KNTC1: variants seen among roughly 807,000 people sequenced by gnomAD.
KNTC1 encodes the protein kinetochore associated 1.
Under a neutral mutation model 314.4 loss-of-function variants are expected in KNTC1, and 253 were observed. The observed-to-expected ratio is 0.80, with a 90% CI of 0.73 to 0.89. KNTC1 has a LOEUF of 0.89. Among genes scored for constraint, KNTC1 ranks in the 40% least tolerant of loss-of-function variants. The probability of loss-of-function intolerance (pLI) is 0.00; values close to 1 mark genes in which losing one functional copy is unlikely to be tolerated. For synonymous variants in KNTC1, 901 were observed against 901.4 expected, an observed-to-expected ratio of 1.00 and a Z score of 0.01; for missense variants, 2,475 against 2,572.9, an observed-to-expected ratio of 0.96 and a Z score of 0.82.
At chr12:122,543,117 T>C (rs1015759636) in intron 6 of KNTC1, among the ~76,000 whole-genome samples, 3 of 152,148 alleles carry the variant, frequency 2.0e-5, no homozygotes, top group East Asian at 3.9e-4. Flanking sequence ...TTCACCATGT[T>C]GGCCAGGCTG....
Position 122,557,462 on chromosome 12 carries a change from T to C in KNTC1, c.1351T>C (p.Trp451Arg). The change falls in exon 17 of 64, where the codon TGG (tryptophan) becomes CGG (arginine). Residue 451 changes from tryptophan (W) to arginine (R), a missense_variant. Coordinates refer to ENST00000333479, the MANE Select transcript of KNTC1 (RefSeq NM_014708.6). ...SSVDASEQTE[W>R]QQLVDDAKEN... ...TGTGGATGCCAGTGAACAGACCGAA[T>C]GGCAACAACTTGTAGACGACGCTAA... 6.2e-7 allele frequency: 1 copy of C among 1,613,932 alleles called. No individual in the cohort carries two copies.
At chr12:122,528,132 T>C (rs1226387458) in intron 1 of KNTC1, among the ~76,000 whole-genome samples, 1 of 152,232 alleles carries the variant, frequency 6.6e-6, no homozygotes, top group African/African-American at 2.4e-5. Flanking sequence ...AAATAGGTAT[T>C]CAATAAACAT....
chr12:122,598,211 A>G (rs761074975), intron 44 of KNTC1, among the ~76,000 whole-genome samples: 14 of 152,024 alleles, frequency 9.2e-5, no homozygotes, highest in Admixed American at 2.6e-4. Flanking sequence ...AAAACAAGCA[A>G]TTTCCCTATA....
At chr12:122,612,397 G>GTTTTCT (rs202047595) in intron 53 of KNTC1, among the ~76,000 whole-genome samples, 6,347 of 142,774 alleles carry the variant, frequency 0.044, 157 homozygotes, top group Non-Finnish European at 0.06. Context: ...TTTGTCTTTG[G>GTTTTCT]TTTTCTTTTT....
Position 122,544,201 on chromosome 12 carries a change from TATC to T in KNTC1, c.604_606del (p.His202del), listed in dbSNP as rs1440993293. 2 of 1,584,082 alleles carry T rather than the reference TATC, an allele frequency of 1.3e-6. No homozygotes were observed. Among genetic ancestry groups the T allele is most frequent in the South Asian group, 1.2e-5 (1 of 84,208 alleles). On this transcript the variant is annotated inframe_deletion, in exon 8 of 64. Coordinates refer to ENST00000333479, the MANE Select transcript of KNTC1 (RefSeq NM_014708.6). Reference sequence around the variant, plus strand: ...GTCCAGTTTTATTTCTACTGAAAATTATCATACTCTTGGTTGTCTCAGTCTTGT... The same window carrying T: ...GTCCAGTTTTATTTCTACTGAAAATTATACTCTTGGTTGTCTCAGTCTTGT...
At position 122,609,374 on chromosome 12, in the gene KNTC1, C is replaced by A; in HGVS notation, c.5497-10C>A. 6.4e-7 allele frequency: 1 copy of A among 1,558,342 alleles called. No individual in the cohort carries two copies. Among genetic ancestry groups the A allele is most frequent in the Non-Finnish European group, 8.7e-7 (1 of 1,147,102 alleles). ...TCAGTTTTTGACCTTTTTTTCCTAC[C>A]TTTTCAAAGAAACCATCAGAATTAT... On this transcript the variant is annotated splice_polypyrimidine_tract_variant and intron_variant, in intron 51 of 63. Transcript: ENST00000333479.
intron 63 of KNTC1, among the ~76,000 whole-genome samples, chr12:122,625,680 A>T (rs982634789): frequency 6.6e-6 from 1 of 152,182 alleles, no homozygotes; most frequent in Non-Finnish European, 1.5e-5. Flanking sequence ...CACTACCCAG[A>T]CATAGGATCA....
intron 20 of KNTC1, among the ~76,000 whole-genome samples, chr12:122,567,174 A>G (rs976013231): frequency 2.0e-5 from 3 of 151,868 alleles, no homozygotes; most frequent in South Asian, 2.1e-4. Context: ...CCTGGGTTCA[A>G]TCAATTCTGC....
At chr12:122,568,406 T>C (rs770770559) in intron 21 of KNTC1, 34 bp downstream of exon 21, 3 of 1,150,850 alleles carry the variant, frequency 2.6e-6, no homozygotes, top group Non-Finnish European at 4.0e-6. Flanking sequence ...TTAACAGCTT[T>C]ATAGCTCCTG....
At chr12:122,598,947 C>G (rs148621359) in intron 44 of KNTC1, among the ~76,000 whole-genome samples, 309 of 151,224 alleles carry the variant, frequency 2.0e-3, no homozygotes, top group African/African-American at 7.2e-3. Flanking sequence ...ATAGCTGGAA[C>G]TGTAGGTGCA....
Position 122,546,379 on chromosome 12 carries a change from C to T in KNTC1, c.763+110C>T, listed in dbSNP as rs1962765264. On this transcript the variant is annotated intron_variant, in intron 9 of 63. Coordinates refer to ENST00000333479, the MANE Select transcript of KNTC1 (RefSeq NM_014708.6). ...CATTTTACCCTACCACTCTTTGAAA[C>T]AAGCCAGAATAGCTTGATGGTTGTT... 3 of 713,166 alleles carry T rather than the reference C, an allele frequency of 4.2e-6. No individual in the cohort carries two copies. The Admixed American group carries it at 7.6e-5, about 18-fold the overall frequency. 44.2% of individuals were successfully genotyped at this position (713,166 alleles called of 1,614,324 possible). A position where few individuals can be genotyped will look rare whatever the true frequency, so the allele number is the denominator to read the frequency against.
chr12:122,623,504 ATT>A (rs1482378715), intron 62 of KNTC1, among the ~76,000 whole-genome samples: 3 of 152,164 alleles, frequency 2.0e-5, no homozygotes, highest in African/African-American at 7.2e-5. Context: ...ATAATTAGAT[ATT>A]GTCATTTTTG....
chr12:122,604,717 C>T, intron 49 of KNTC1, 80 bp downstream of exon 49: 3 of 1,243,496 alleles, frequency 2.4e-6, no homozygotes, highest in Non-Finnish European at 3.5e-6. Context: ...CTCATGCTGC[C>T]CTGGTGCCTA....
intron 43 of KNTC1, among the ~76,000 whole-genome samples, chr12:122,596,880 C>T (rs1304908575): frequency 6.6e-6 from 1 of 151,978 alleles, no homozygotes; most frequent in African/African-American, 2.4e-5. Context: ...TTTTGTTGAT[C>T]CTTGGTATTG....
chr12:122,573,759 T>G (rs1964849717), intron 26 of KNTC1, among the ~76,000 whole-genome samples: 1 of 152,170 alleles, frequency 6.6e-6, no homozygotes, highest in Non-Finnish European at 1.5e-5. Flanking sequence ...ATACAAAACA[T>G]TAAAATTCTT....
rs756292773 is a variant in KNTC1 at position 122,580,008 on chromosome 12, T to A, written c.2914+31T>A. ...TTTTACTTCTGTTTTCTCATCTCAG[T>A]TTTGTTCCAAAGCTCACCCTCTTCA... On this transcript the variant is annotated intron_variant, in intron 32 of 63. Coordinates refer to ENST00000333479, the MANE Select transcript of KNTC1 (RefSeq NM_014708.6). The A allele has an allele frequency of 4.1e-6, 6 of 1,468,440 alleles. No individual in the cohort carries two copies. In the Middle Eastern group the frequency reaches 5.2e-4, roughly 127 times the overall value. The allele number at this position is 1,468,440 out of a possible 1,614,324, so 91.0% of individuals were successfully genotyped here.
chr12:122,533,170 CTTTT>C (rs1177191171), intron 2 of KNTC1, among the ~76,000 whole-genome samples: 1 of 143,502 alleles, frequency 7.0e-6, no homozygotes. Flanking sequence ...CGTTCCTTTT[CTTTT>C]TTTTTTTTTT....
intron 21 of KNTC1, among the ~76,000 whole-genome samples, chr12:122,568,918 ACAGTAGAACCT>A (rs1195351835): frequency 1.3e-5 from 2 of 152,330 alleles, no homozygotes; most frequent in Non-Finnish European, 2.9e-5. Context: ...CAGTGAATGT[ACAGTAGAACCT>A]TATTTTATCC....
chr12:122,539,972 GTT>G (rs1243171359), intron 5 of KNTC1, among the ~76,000 whole-genome samples: 3 of 151,254 alleles, frequency 2.0e-5, no homozygotes, highest in African/African-American at 7.3e-5. Context: ...TAGAGATGGA[GTT>G]TCACCATGTT....
Sources: gnomAD v4.1 joint callset for allele counts (sites outside exome capture counted in the v4.1 genomes callset) on GRCh38, gnomAD v4.1.1 for gene constraint, MANE v1.5 for transcripts, NCBI Gene and HGNC (gene_info 2026-07-23, HGNC 2026-07-21) for gene names.